Variants in SWT1 observed in about 807,000 individuals in gnomAD.
SWT1 encodes transcriptional protein SWT1.
In SWT1, 33 loss-of-function variants were observed where a neutral mutation model predicts 107.3. The ratio of observed to expected loss-of-function variants is 0.31; its 90% confidence interval spans 0.23 to 0.41. SWT1 has a LOEUF of 0.41. Ranked by LOEUF, SWT1 falls within the 10% of genes least tolerant of loss-of-function variation. The probability of loss-of-function intolerance (pLI) is 1.00; values close to 1 mark genes in which losing one functional copy is unlikely to be tolerated. For synonymous variants in SWT1, 345 were observed against 348.3 expected, an observed-to-expected ratio of 0.99 and a Z score of 0.11; for missense variants, 898 against 1,028.9, an observed-to-expected ratio of 0.87 and a Z score of 1.74.
intron 16 of SWT1, among the ~76,000 whole-genome samples, chr1:185,246,401 C>T (rs1177255399): frequency 2.6e-5 from 4 of 151,904 alleles, no homozygotes; most frequent in East Asian, 1.9e-4. Context: ...CTCAGCCTCC[C>T]GAGTAGCTGG....
intron 16 of SWT1, among the ~76,000 whole-genome samples, chr1:185,271,031 A>G (rs1231056770): frequency 6.6e-6 from 1 of 152,240 alleles, no homozygotes; most frequent in Non-Finnish European, 1.5e-5. Context: ...GTATTATTGT[A>G]TCTTAAAATG....
In SWT1 at chr1:185,160,901, C is replaced by A. The variant is rs751525401; in HGVS notation, c.60C>A (p.Thr20=). The A allele has an allele frequency of 1.2e-6, 2 of 1,612,576 alleles. No homozygotes were observed. Among genetic ancestry groups the A allele is most frequent in the Non-Finnish European group, 8.5e-7 (1 of 1,179,292 alleles). Residue 20 remains threonine (T), a synonymous_variant, in exon 2 of 19, where the codon ACC becomes ACA. Coordinates refer to ENST00000367500, the MANE Select transcript of SWT1 (RefSeq NM_017673.7). ...KETSQRKDTT[T]SSPNFGEKDK... ...CATCTCAGAGGAAAGACACCACCACCTCATCACCCAATTTTGGTGAAAAAG... is the reference window on the plus strand; with the variant it reads ...CATCTCAGAGGAAAGACACCACCACATCATCACCCAATTTTGGTGAAAAAG...
intron 14 of SWT1, among the ~76,000 whole-genome samples, chr1:185,221,512 C>T (rs76415294): frequency 6.6e-6 from 1 of 152,050 alleles, no homozygotes; most frequent in Non-Finnish European, 1.5e-5. Context: ...TGCTTCAAGG[C>T]TTGATTGTAC....
chr1:185,167,328 A>G (rs893462639), intron 3 of SWT1, among the ~76,000 whole-genome samples: 1 of 152,202 alleles, frequency 6.6e-6, no homozygotes, highest in African/African-American at 2.4e-5. Flanking sequence ...CTGTCATACA[A>G]ATAGTTAGAA....
At chr1:185,177,129 A>C in intron 5 of SWT1, 1 of 770,084 alleles carries the variant, frequency 1.3e-6, no homozygotes, top group Non-Finnish European at 1.6e-6. Context: ...AGAGGGCAAG[A>C]ATTGAGTTTG....
chr1:185,238,999 T>C (rs1298094007), intron 16 of SWT1, among the ~76,000 whole-genome samples: 1 of 152,196 alleles, frequency 6.6e-6, no homozygotes, highest in Non-Finnish European at 1.5e-5. Flanking sequence ...TCATTTGGTT[T>C]TGAGATGCAT....
chr1:185,275,422 T>C (rs2102748630), intron 17 of SWT1, among the ~76,000 whole-genome samples: 1 of 149,074 alleles, frequency 6.7e-6, no homozygotes, highest in East Asian at 1.9e-4. Flanking sequence ...CATATAATCA[T>C]TAAATATAAT....
intron 15 of SWT1, among the ~76,000 whole-genome samples, chr1:185,223,890 A>G (rs558949885): frequency 1.6e-4 from 24 of 152,196 alleles, no homozygotes; most frequent in Non-Finnish European, 4.4e-5. Flanking sequence ...ATAAGTGAGC[A>G]CAAGCGGTAT....
chr1:185,253,734 A>G (rs573673048), intron 16 of SWT1, among the ~76,000 whole-genome samples: 68 of 151,258 alleles, frequency 4.5e-4, no homozygotes, highest in Non-Finnish European at 7.3e-4. Context: ...AACAGGGACA[A>G]TTTGACTTCT....
At chr1:185,285,111 T>C (rs1664871936) in intron 18 of SWT1, among the ~76,000 whole-genome samples, 1 of 152,142 alleles carries the variant, frequency 6.6e-6, no homozygotes, top group Non-Finnish European at 1.5e-5. Context: ...ATTTCTGTCT[T>C]ATCTGACTCA....
intron 3 of SWT1, among the ~76,000 whole-genome samples, chr1:185,167,010 C>T (rs1016199046): frequency 7.2e-5 from 11 of 152,014 alleles, no homozygotes; most frequent in South Asian, 2.1e-4. Flanking sequence ...TGTGTTCAAG[C>T]GATTCTCCTG....
chr1:185,220,605 C>G (rs929697686), intron 14 of SWT1, among the ~76,000 whole-genome samples: 2 of 152,250 alleles, frequency 1.3e-5, no homozygotes, highest in Admixed American at 6.5e-5. Flanking sequence ...AGCTGCAGAT[C>G]TACATATCCA....
At chr1:185,182,903 A>G (rs1288774890) in intron 7 of SWT1, among the ~76,000 whole-genome samples, 1 of 152,142 alleles carries the variant, frequency 6.6e-6, no homozygotes, top group Non-Finnish European at 1.5e-5. Context: ...TGGGAGGCCA[A>G]GGAGGGTGGA....
intron 16 of SWT1, among the ~76,000 whole-genome samples, chr1:185,248,641 AC>A (rs1661778314): frequency 6.6e-6 from 1 of 152,102 alleles, no homozygotes; most frequent in Non-Finnish European, 1.5e-5. Flanking sequence ...ATATCTGTCT[AC>A]CATCAATGGA....
At chr1:185,226,422 A>G (rs934081426) in intron 15 of SWT1, among the ~76,000 whole-genome samples, 1 of 152,164 alleles carries the variant, frequency 6.6e-6, no homozygotes, top group Non-Finnish European at 1.5e-5. Context: ...GGACCTATGC[A>G]CAAATAGTTA....
chr1:185,286,175 A>G (rs1428183539), intron 18 of SWT1, among the ~76,000 whole-genome samples: 1 of 152,132 alleles, frequency 6.6e-6, no homozygotes, highest in African/African-American at 2.4e-5. Context: ...CCATTAACAT[A>G]GGATGCTTTT....
intron 16 of SWT1, among the ~76,000 whole-genome samples, chr1:185,266,127 C>G (rs1663358814): frequency 6.6e-6 from 1 of 151,904 alleles, no homozygotes; most frequent in Non-Finnish European, 1.5e-5. Context: ...GCAGTGGCGC[C>G]ATCTTGGCTC....
At chr1:185,234,835 G>T (rs1483471389) in intron 16 of SWT1, among the ~76,000 whole-genome samples, 1 of 152,088 alleles carries the variant, frequency 6.6e-6, no homozygotes, top group Non-Finnish European at 1.5e-5. Flanking sequence ...AAGAAGAAAA[G>T]AGAGAAGAAT....
chr1:185,288,861 CAT>C (rs1327635389), intron 18 of SWT1, among the ~76,000 whole-genome samples: 4 of 152,148 alleles, frequency 2.6e-5, no homozygotes, highest in Non-Finnish European at 5.9e-5. Flanking sequence ...TTTGTAGTCT[CAT>C]GTTAGCTTTT....
Sources: gnomAD v4.1 joint callset for allele counts (sites outside exome capture counted in the v4.1 genomes callset) on GRCh38, gnomAD v4.1.1 for gene constraint, MANE v1.5 for transcripts, NCBI Gene and HGNC (gene_info 2026-07-23, HGNC 2026-07-21) for gene names.